Variants in SMARCC1 observed in about 807,000 individuals in gnomAD.
SMARCC1 encodes SWI/SNF complex subunit SMARCC1.
SMARCC1 carries 43 observed loss-of-function variants against 147.4 expected under a neutral mutation model. That is an observed-to-expected ratio of 0.29 (90% CI 0.23 to 0.38). SMARCC1 has a LOEUF of 0.38. Ranked by LOEUF, SMARCC1 falls within the 10% of genes least tolerant of loss-of-function variation. The pLI is 1.00. For synonymous variants in SMARCC1, 495 were observed against 484.4 expected (o/e 1.02, Z -0.29); for missense variants, 1,119 against 1,381.1 (o/e 0.81, Z 3.01).
chr3:47,744,850 T>C (rs1219052587), intron 3 of SMARCC1, among the ~76,000 whole-genome samples: 2 of 152,160 alleles, frequency 1.3e-5, no homozygotes, highest in Non-Finnish European at 2.9e-5. Flanking sequence ...ATGGCAGGAA[T>C]ATCTGCAGGG....
At chr3:47,654,918 A>T (rs952408625) in intron 21 of SMARCC1, among the ~76,000 whole-genome samples, 1 of 152,364 alleles carries the variant, frequency 6.6e-6, no homozygotes, top group South Asian at 2.1e-4. Context: ...AAAGTTCAAT[A>T]TAAGTTTTGG....
chr3:47,639,517 G>C (rs1468469608), intron 21 of SMARCC1, among the ~76,000 whole-genome samples: 1 of 152,116 alleles, frequency 6.6e-6, no homozygotes, highest in Non-Finnish European at 1.5e-5. Context: ...TTCGAGACCA[G>C]CCTGGCCAAC....
chr3:47,662,235 G>T, intron 20 of SMARCC1, 99 bp downstream of exon 20: 2 of 1,027,688 alleles, frequency 1.9e-6, no homozygotes, highest in East Asian at 2.5e-5. Flanking sequence ...TCTGATTTTT[G>T]TTATTTACAT....
intron 24 of SMARCC1, among the ~76,000 whole-genome samples, chr3:47,632,967 T>TA (rs35876011): frequency 1.1e-3 from 154 of 146,252 alleles, no homozygotes; most frequent in African/African-American, 1.4e-3. Flanking sequence ...TATATGAAGT[T>TA]AAAAAAAAAA....
chr3:47,732,768 T>C (rs1054650322), intron 5 of SMARCC1, among the ~76,000 whole-genome samples: 2 of 152,150 alleles, frequency 1.3e-5, no homozygotes, highest in Non-Finnish European at 1.5e-5. Flanking sequence ...GCAATTAAAA[T>C]AGTATCAAAT....
intron 25 of SMARCC1, among the ~76,000 whole-genome samples, chr3:47,617,414 C>T (rs539757592): frequency 6.6e-6 from 1 of 152,360 alleles, no homozygotes; most frequent in African/African-American, 2.4e-5. Flanking sequence ...AGTGCTTTGG[C>T]ATAGTAACTG....
intron 6 of SMARCC1, among the ~76,000 whole-genome samples, chr3:47,721,691 A>G (rs1238860182): frequency 6.6e-6 from 1 of 152,046 alleles, no homozygotes; most frequent in Non-Finnish European, 1.5e-5. Flanking sequence ...TGAAGTATAC[A>G]ATGACTCACC....
chr3:47,691,524 G>C (rs887089265), intron 12 of SMARCC1, among the ~76,000 whole-genome samples: 1 of 152,156 alleles, frequency 6.6e-6, no homozygotes, highest in Non-Finnish European at 1.5e-5. Context: ...TGAGGTAAGA[G>C]AATTGCTTGA....
intron 1 of SMARCC1, 57 bp from the exon 2 acceptor site, chr3:47,772,993 T>A (rs1421421698): frequency 1.3e-6 from 2 of 1,571,282 alleles, no homozygotes; most frequent in Non-Finnish European, 1.7e-6. Flanking sequence ...GAGAAAATGT[T>A]GGCTTACTTC....
intron 6 of SMARCC1, among the ~76,000 whole-genome samples, chr3:47,723,367 T>G (rs2034258479): frequency 6.9e-6 from 1 of 144,718 alleles, no homozygotes; most frequent in South Asian, 2.2e-4. Flanking sequence ...TTTTTTTTTT[T>G]TTTTTTTTTT....
chr3:47,676,929 T>C, intron 16 of SMARCC1, 147 bp from the exon 17 acceptor site: 1 of 675,628 alleles, frequency 1.5e-6, no homozygotes, highest in Non-Finnish European at 2.5e-6. Context: ...CTTGACAGAT[T>C]TTGTTATGTG....
At chr3:47,747,025 T>C (rs1446903795) in intron 2 of SMARCC1, among the ~76,000 whole-genome samples, 1 of 151,984 alleles carries the variant, frequency 6.6e-6, no homozygotes, top group African/African-American at 2.4e-5. Context: ...CCATCGTGCC[T>C]GGCTACACAC....
chr3:47,726,437 C>T (rs150005326), intron 6 of SMARCC1, among the ~76,000 whole-genome samples: 3 of 152,132 alleles, frequency 2.0e-5, no homozygotes, highest in Non-Finnish European at 4.4e-5. Context: ...ATTGTTATTG[C>T]CAATGCTTTA....
At chr3:47,635,465 C>T in intron 23 of SMARCC1, 121 bp from the exon 24 acceptor site, 1 of 886,256 alleles carries the variant, frequency 1.1e-6, no homozygotes, top group Non-Finnish European at 1.8e-6. Context: ...ATGCCTTTTT[C>T]TTCTTTTTAA....
chr3:47,609,324 G>A (rs372059059), intron 26 of SMARCC1, among the ~76,000 whole-genome samples: 5 of 151,996 alleles, frequency 3.3e-5, no homozygotes, highest in East Asian at 3.9e-4. Flanking sequence ...GTGAAACCCC[G>A]TCTCTACTAA....
Position 47,638,186 on chromosome 3 carries a change from G to A in SMARCC1, c.2376+539C>T, listed in dbSNP as rs559274608. 3.9e-5 allele frequency among the ~76,000 whole-genome samples: 6 copies of A among 152,138 alleles called. No homozygotes were observed. The South Asian group carries it at 6.2e-4, about 16-fold the overall frequency. On this transcript the variant is annotated intron_variant, in intron 22 of 27. Transcript: ENST00000254480. ...GCTCACTGCAAGCTCTGTCTCTCCC[G>A]GGTTCACGCCATTCTCCTGCCTCAG...
intron 21 of SMARCC1, among the ~76,000 whole-genome samples, chr3:47,641,124 C>T (rs556633236): frequency 6.6e-6 from 1 of 152,278 alleles, no homozygotes; most frequent in East Asian, 1.9e-4. Context: ...AAGAGCAAGA[C>T]AAGAATACAA....
At chr3:47,702,221 CA>C (rs1401980609) in intron 10 of SMARCC1, among the ~76,000 whole-genome samples, 1 of 70,194 alleles carries the variant, frequency 1.4e-5, no homozygotes, top group African/African-American at 4.2e-5. Context: ...TAATAAATGT[CA>C]GGGGGCTCAA....
intron 26 of SMARCC1, among the ~76,000 whole-genome samples, chr3:47,595,858 C>G (rs1022896647): frequency 6.6e-6 from 1 of 151,582 alleles, no homozygotes. Context: ...CCTCAGCCTC[C>G]CGAATAGCTG....
Sources: allele counts gnomAD v4.1 joint callset (sites outside exome capture counted in the v4.1 genomes callset), GRCh38; gene constraint gnomAD v4.1.1; transcripts MANE v1.5; gene names NCBI Gene and HGNC (gene_info 2026-07-23, HGNC 2026-07-21).